The following TTC3 variants were observed in gnomAD, a reference collection of about 807,000 sequenced individuals.
TTC3 encodes E3 ubiquitin-protein ligase TTC3.
In TTC3, 180 loss-of-function variants were observed where a neutral mutation model predicts 249.6. The ratio of observed to expected loss-of-function variants is 0.72; its 90% CI spans 0.64 to 0.82. The LOEUF is 0.82. Among genes scored for constraint, TTC3 ranks in the 40% least tolerant of loss-of-function variants. TTC3 has a pLI of 0.00. For synonymous variants in TTC3, 717 were observed against 805.0 expected (o/e 0.89, Z 1.85); for missense variants, 2,061 against 2,398.4 (o/e 0.86, Z 2.94).
At chr21:37,145,318 T>A (rs1016170860) in intron 21 of TTC3, among the ~76,000 whole-genome samples, 6 of 152,150 alleles carry the variant, frequency 3.9e-5, no homozygotes, top group African/African-American at 1.4e-4. Flanking sequence ...ATCTAAGAAG[T>A]AGTCAAAGGA....
At chr21:37,187,066 A>G in exon 38 of TTC3, 1 of 1,545,062 alleles carries the variant, frequency 6.5e-7, no homozygotes, top group Non-Finnish European at 8.7e-7. Flanking sequence ...CTTACAAATG[A>G]GAAAATGAAA....
chr21:37,160,918 TATAC>T, intron 30 of TTC3, 60 bp downstream of exon 30: 2 of 1,509,860 alleles, frequency 1.3e-6, no homozygotes, highest in Non-Finnish European at 1.8e-6. Context: ...TAGTTGGACA[TATAC>T]ATTAGAATTG....
intron 45 of TTC3, 87 bp downstream of exon 45, chr21:37,200,411 C>T (rs1302859592): frequency 1.4e-6 from 2 of 1,396,516 alleles, no homozygotes; most frequent in African/African-American, 2.9e-5. Context: ...TTCTAGTCAT[C>T]AGTATTTATT....
At chr21:37,087,511 G>GT (rs570954595) in intron 2 of TTC3, 110 bp downstream of exon 2, 9 of 1,321,760 alleles carry the variant, frequency 6.8e-6, no homozygotes, top group Non-Finnish European at 9.4e-6. Flanking sequence ...TGACAGGGAG[G>GT]TACACATGCT....
At position 37,124,507 on chromosome 21, in the gene TTC3, TA is replaced by T. The variant is rs2076902496; in HGVS notation, c.1110-108del. Reference sequence around the variant, plus strand: ...CCATCTCACAGGTAGGAAATCTTTTTAAAACAATAATACCTTGCTTTCAAGG... The same window carrying T: ...CCATCTCACAGGTAGGAAATCTTTTTAAACAATAATACCTTGCTTTCAAGG... On this transcript the variant is annotated intron_variant, in intron 13 of 45. Coordinates refer to ENST00000355666, the Ensembl canonical transcript of TTC3. The T allele has an allele frequency of 2.5e-6, 3 of 1,187,102 alleles. No individual in the cohort carries two copies. The Admixed American group carries it at 7.7e-5, about 31-fold the overall frequency. 73.5% of individuals were successfully genotyped at this position (1,187,102 alleles called of 1,614,324 possible). A position where few individuals can be genotyped will look rare whatever the true frequency, so the allele number is the denominator to read the frequency against.
At chr21:37,118,476 T>G (rs985188822) in intron 11 of TTC3, among the ~76,000 whole-genome samples, 5 of 152,206 alleles carry the variant, frequency 3.3e-5, no homozygotes, top group Non-Finnish European at 7.3e-5. Flanking sequence ...GAGCATTGTG[T>G]TTTGATCTAT....
intron 41 of TTC3, among the ~76,000 whole-genome samples, chr21:37,192,524 T>TGTGTGTGTGTGTGTG (rs1555916803): frequency 2.7e-5 from 4 of 148,588 alleles, no homozygotes; most frequent in African/African-American, 7.5e-5. Context: ...TGTGTGTGTG[T>TGTGTGTGTGTGTGTG]TGTATATGTA....
chr21:37,166,652 G>C, intron 33 of TTC3, 37 bp downstream of exon 33: 1 of 1,535,552 alleles, frequency 6.5e-7, no homozygotes, highest in Non-Finnish European at 8.8e-7. Flanking sequence ...TAATACTGAA[G>C]TTAAATTTTC....
At chr21:37,172,740 A>C (rs1458291495) in exon 35 of TTC3, 2 of 1,613,724 alleles carry the variant, frequency 1.2e-6, no homozygotes, top group Non-Finnish European at 1.7e-6. Context: ...TTAGAAGAAA[A>C]CAAGGTAATC....
At position 37,182,519 on chromosome 21, in the gene TTC3, C is replaced by T. The variant is rs573622386; in HGVS notation, c.4618-255C>T. 5.3e-5 allele frequency among the ~76,000 whole-genome samples: 8 copies of T among 152,302 alleles called. No individual in the cohort carries two copies. The South Asian group carries it at 1.7e-3, about 32-fold the overall frequency. ...GAGTAAGTGTGAACACTTCTGGGCA[C>T]GTCGGAGTGGTTCTTCGGGGTGTCT... On this transcript the variant is annotated intron_variant, in intron 35 of 45. Transcript: ENST00000355666.
At chr21:37,167,349 G>A (rs1467613230) in intron 33 of TTC3, among the ~76,000 whole-genome samples, 1 of 152,012 alleles carries the variant, frequency 6.6e-6, no homozygotes, top group African/African-American at 2.4e-5. Flanking sequence ...AATAGGTTAA[G>A]AGCAATGGAT....
chr21:37,156,541 T>C (rs910874070), intron 27 of TTC3, 114 bp from the exon 28 acceptor site: 2 of 1,317,246 alleles, frequency 1.5e-6, no homozygotes, highest in East Asian at 2.3e-5. Flanking sequence ...TAAATGTTTT[T>C]GCTGAGAATA....
intron 20 of TTC3, among the ~76,000 whole-genome samples, chr21:37,141,360 C>G (rs1173188281): frequency 6.6e-6 from 1 of 151,454 alleles, no homozygotes. Context: ...TTCTAACTGT[C>G]TTTAAATTTT....
At chr21:37,126,729 A>C (rs889046899) in intron 15 of TTC3, among the ~76,000 whole-genome samples, 9 of 152,236 alleles carry the variant, frequency 5.9e-5, no homozygotes, top group Non-Finnish European at 1.3e-4. Flanking sequence ...GAAATTCATC[A>C]TCATGATGTC....
intron 11 of TTC3, 69 bp downstream of exon 11, chr21:37,108,515 G>A (rs2075303947): frequency 1.4e-6 from 2 of 1,431,802 alleles, no homozygotes; most frequent in African/African-American, 1.4e-5. Context: ...CTGTTTATAG[G>A]GTGTGTTTGT....
chr21:37,103,967 G>T (rs368931676), intron 10 of TTC3, among the ~76,000 whole-genome samples: 8 of 152,188 alleles, frequency 5.3e-5, no homozygotes, highest in African/African-American at 1.9e-4. Flanking sequence ...AAAAATTTGA[G>T]CATAGTGAAA....
intron 10 of TTC3, among the ~76,000 whole-genome samples, chr21:37,101,930 A>ATATG (rs1381523645): frequency 6.8e-6 from 1 of 148,116 alleles, no homozygotes; most frequent in Non-Finnish European, 1.5e-5. Flanking sequence ...ATATATATAT[A>ATATG]TTAGTTTATA....
intron 32 of TTC3, among the ~76,000 whole-genome samples, chr21:37,165,047 C>G (rs1172951611): frequency 6.6e-6 from 1 of 152,156 alleles, no homozygotes; most frequent in Non-Finnish European, 1.5e-5. Context: ...AGTGTGGAAA[C>G]AACTGTAAAA....
chr21:37,172,438 T>C (rs1208154217), intron 34 of TTC3, among the ~76,000 whole-genome samples, 157 bp from the exon 35 acceptor site: 1 of 152,242 alleles, frequency 6.6e-6, no homozygotes, highest in Non-Finnish European at 1.5e-5. Context: ...AAGCAGTGTT[T>C]AGGGGTTTTT....
Sources: gnomAD v4.1 joint callset for allele counts (sites outside exome capture counted in the v4.1 genomes callset) on GRCh38, gnomAD v4.1.1 for gene constraint, MANE v1.5 for transcripts, NCBI Gene and HGNC (gene_info 2026-07-23, HGNC 2026-07-21) for gene names.